VPS45: variants seen among roughly 807,000 people sequenced by gnomAD.
VPS45 encodes the protein vacuolar protein sorting-associated protein 45.
Under a neutral mutation model 75.9 loss-of-function variants are expected in VPS45, and 35 were observed. The ratio of observed to expected loss-of-function variants is 0.46; its 90% CI spans 0.35 to 0.61. VPS45 has a LOEUF of 0.61. Ranked by LOEUF, VPS45 falls within the 20% of genes least tolerant of loss-of-function variation. The pLI, the probability that VPS45 is intolerant of heterozygous loss-of-function variation, is 0.00. For synonymous variants in VPS45, 220 were observed against 238.2 expected (o/e 0.92, Z 0.70); for missense variants, 559 against 685.9 (o/e 0.81, Z 2.07).
At chr1:150,103,170 T>A (rs1657134834) in intron 13 of VPS45, among the ~76,000 whole-genome samples, 2 of 152,232 alleles carry the variant, frequency 1.3e-5, no homozygotes, top group South Asian at 4.1e-4. Context: ...CATTAATTAA[T>A]GCTTTGGTTG....
intron 13 of VPS45, among the ~76,000 whole-genome samples, chr1:150,095,343 G>A (rs587680510): frequency 6.6e-6 from 1 of 152,296 alleles, no homozygotes; most frequent in African/African-American, 2.4e-5. Context: ...ACCAGACACG[G>A]TGGCTCACGC....
At chr1:150,089,101 A>G (rs1656182840) in intron 10 of VPS45, among the ~76,000 whole-genome samples, 1 of 152,214 alleles carries the variant, frequency 6.6e-6, no homozygotes, top group Admixed American at 6.5e-5. Flanking sequence ...AACAGCCAAG[A>G]GTCAAGATCC....
At chr1:150,099,188 T>C in intron 13 of VPS45, 1 of 477,422 alleles carries the variant, frequency 2.1e-6, no homozygotes. Context: ...TAACCACATA[T>C]AGAAATAATG....
chr1:150,082,277 C>A (rs1382060319), intron 9 of VPS45, among the ~76,000 whole-genome samples: 1 of 152,128 alleles, frequency 6.6e-6, no homozygotes, highest in African/African-American at 2.4e-5. Context: ...GAGGCCGAGG[C>A]GGGTGGATCA....
intron 13 of VPS45, among the ~76,000 whole-genome samples, chr1:150,102,312 G>A (rs1559922397): frequency 6.6e-6 from 1 of 151,568 alleles, no homozygotes; most frequent in Non-Finnish European, 1.5e-5. Flanking sequence ...CACTTCGGGA[G>A]GCCGAAGTGG....
At chr1:150,114,927 A>AT (rs373184237) in intron 14 of VPS45, among the ~76,000 whole-genome samples, 3 of 150,428 alleles carry the variant, frequency 2.0e-5, no homozygotes, top group Non-Finnish European at 3.0e-5. Context: ...AAACTTTAGT[A>AT]TTTTTTTCAG....
chr1:150,096,315 A>G (rs1404999832), intron 13 of VPS45, among the ~76,000 whole-genome samples: 1 of 152,224 alleles, frequency 6.6e-6, no homozygotes, highest in East Asian at 1.9e-4. Context: ...GTATTGGTGA[A>G]TGAATTGGAG....
chr1:150,138,465 G>A (rs1385047455), intron 14 of VPS45, among the ~76,000 whole-genome samples: 1 of 152,090 alleles, frequency 6.6e-6, no homozygotes. Flanking sequence ...TAAGTTGTAT[G>A]TCTCGACTAC....
intron 13 of VPS45, among the ~76,000 whole-genome samples, chr1:150,103,585 C>T (rs374928396): frequency 1.3e-5 from 2 of 152,124 alleles, no homozygotes; most frequent in East Asian, 3.8e-4. Context: ...ATTTTCTTTC[C>T]TCTCCAGTAG....
chr1:150,144,896 G>A lies in VPS45; in HGVS notation c.*100G>A, dbSNP rs782257987. ...GGAGAGCAGCTTTGGGTTCTGTGCT[G>A]GTTGTTAGAACTCATCTCCAGGTAG... On this transcript the variant is annotated 3_prime_UTR_variant, in exon 15 of 15. Coordinates refer to ENST00000644510, the MANE Select transcript of VPS45 (RefSeq NM_007259.5). The A allele has an allele frequency of 6.3e-6, 10 of 1,575,282 alleles. No individual in the cohort carries two copies. In the South Asian group the frequency reaches 1.1e-4, roughly 18 times the overall value.
At chr1:150,114,579 T>TAA (rs369781675) in intron 14 of VPS45, among the ~76,000 whole-genome samples, 128,798 of 139,960 alleles carry the variant, frequency 0.92, 59,482 homozygotes, top group East Asian at 0.97. Flanking sequence ...ACTCTGTTTC[T>TAA]AAAAAAAAAA....
intron 7 of VPS45, among the ~76,000 whole-genome samples, chr1:150,078,604 A>G (rs1553798624): frequency 6.6e-6 from 1 of 151,788 alleles, no homozygotes. Context: ...TACTAAAACT[A>G]CAAAAAAATT....
chr1:150,112,740 A>G (rs1657713304), intron 14 of VPS45, among the ~76,000 whole-genome samples: 1 of 152,086 alleles, frequency 6.6e-6, no homozygotes, highest in South Asian at 2.1e-4. Context: ...GTTCCAGACC[A>G]CCCGTATTTC....
At position 150,083,111 on chromosome 1, in the gene VPS45, G is replaced by C. The variant is rs80329687; in HGVS notation, c.1104+228G>C. 24 of 389,816 alleles carry C rather than the reference G, an allele frequency of 6.2e-5. No homozygotes were observed. In the East Asian group the frequency reaches 9.5e-4, roughly 15 times the overall value. 24.1% of individuals were successfully genotyped at this position (389,816 alleles called of 1,614,324 possible). ...AGTTAATTAGTATAAGGGCAGCCTA[G>C]TCTACTAGAAAGAGCACCAAACTAG... On this transcript the variant is annotated intron_variant, in intron 10 of 14. Transcript: ENST00000644510.
intron 14 of VPS45, among the ~76,000 whole-genome samples, chr1:150,119,398 T>C (rs2101626182): frequency 6.6e-6 from 1 of 152,334 alleles, no homozygotes; most frequent in East Asian, 1.9e-4. Flanking sequence ...GGTTTAATTT[T>C]GTAGGAGTTT....
intron 14 of VPS45, among the ~76,000 whole-genome samples, chr1:150,129,139 A>G (rs188466109): frequency 3.3e-5 from 5 of 152,306 alleles, no homozygotes; most frequent in Admixed American, 2.0e-4. Flanking sequence ...AGTGCTGATT[A>G]TGTGTAATGT....
chr1:150,094,616 C>T (rs1453385999), intron 13 of VPS45, among the ~76,000 whole-genome samples: 1 of 152,052 alleles, frequency 6.6e-6, no homozygotes, highest in Non-Finnish European at 1.5e-5. Flanking sequence ...AGAGAGTACA[C>T]TCATTCAGAT....
At chr1:150,110,758 G>C (rs782236321) in intron 14 of VPS45, 131 bp downstream of exon 14, 7 of 871,764 alleles carry the variant, frequency 8.0e-6, no homozygotes, top group Non-Finnish European at 1.1e-5. Flanking sequence ...GGTGTTTGCA[G>C]CTCCAGAATA....
Position 150,068,781 on chromosome 1 carries a change from G to A in VPS45, c.228+17G>A, listed in dbSNP as rs1559896752. ...CCTACAAAGGTACTGCATAAACTGAGCTTCCATCTGCCCAGGCAGATGCAG... is the reference window on the plus strand; with the variant it reads ...CCTACAAAGGTACTGCATAAACTGAACTTCCATCTGCCCAGGCAGATGCAG... On this transcript the variant is annotated intron_variant, in intron 2 of 14. Coordinates refer to ENST00000644510, the MANE Select transcript of VPS45 (RefSeq NM_007259.5). 4 of 1,586,774 alleles carry A rather than the reference G, an allele frequency of 2.5e-6. No individual in the cohort carries two copies. The highest frequency in any genetic ancestry group is 3.4e-6 in the Non-Finnish European group (4 of 1,166,288).
Sources: allele counts gnomAD v4.1 joint callset (sites outside exome capture counted in the v4.1 genomes callset), GRCh38; gene constraint gnomAD v4.1.1; transcripts MANE v1.5; gene names NCBI Gene and HGNC (gene_info 2026-07-23, HGNC 2026-07-21).